Variants in ABCG5 observed in about 807,000 individuals in gnomAD.
The protein encoded by ABCG5 is ATP binding cassette subfamily G member 5, also known as ATP-binding cassette sub-family G member 5.
A neutral mutation model predicts 64.5 loss-of-function variants in ABCG5; 64 were observed. That is an observed-to-expected ratio of 0.99 (90% CI 0.81 to 1.22). ABCG5 has a LOEUF of 1.22. Among genes scored for constraint, ABCG5 ranks in the 50% most tolerant of loss-of-function variants. The pLI is 0.00. For synonymous variants in ABCG5, 385 were observed against 326.3 expected (o/e 1.18, Z -1.94); for missense variants, 908 against 829.5 (o/e 1.09, Z -1.16).
chr2:43,806,757 G>A, the ABCG5 span, among the ~76,000 whole-genome samples: 65,218 of 151,990 alleles, frequency 0.43, 15,876 homozygotes, highest in African/African-American at 0.66. Flanking sequence ...ATTCAAATCT[G>A]TCTTCTCTAA....
chr2:43,829,475 A>T, intron 4 of ABCG5, among the ~76,000 whole-genome samples: 1 of 152,198 alleles, frequency 6.6e-6, no homozygotes. Flanking sequence ...TAACTCCCTG[A>T]AACCGTTTTT....
At chr2:43,819,221 T>C (rs189142269) in intron 11 of ABCG5, among the ~76,000 whole-genome samples, 1 of 152,310 alleles carries the variant, frequency 6.6e-6, no homozygotes, top group Non-Finnish European at 1.5e-5. Context: ...ACCACCTGCC[T>C]GGGATCATTT....
chr2:43,837,249 A>G (rs933802111), intron 2 of ABCG5, among the ~76,000 whole-genome samples: 8 of 149,940 alleles, frequency 5.3e-5, no homozygotes, highest in African/African-American at 1.7e-4. Flanking sequence ...CCTCCCAAGT[A>G]GCTGGGACCG....
intron 6 of ABCG5, among the ~76,000 whole-genome samples, chr2:43,825,735 T>G (rs374175581): frequency 8.6e-5 from 13 of 151,942 alleles, no homozygotes; most frequent in African/African-American, 3.1e-4. Flanking sequence ...GCTTCCCGAA[T>G]AGCTGGGATT....
At chr2:43,808,865 C>G (rs1251374382), downstream of ABCG5, among the ~76,000 whole-genome samples, 1 of 151,988 alleles carries the variant, frequency 6.6e-6, no homozygotes, top group African/African-American at 2.4e-5. Flanking sequence ...TCCAGTTGTG[C>G]TGAGACAGAG....
chr2:43,808,857 C>T (rs899521477), downstream of ABCG5, among the ~76,000 whole-genome samples: 1 of 152,000 alleles, frequency 6.6e-6, no homozygotes, highest in African/African-American at 2.4e-5. Context: ...AAGTTGTTTC[C>T]AGTTGTGCTG....
downstream of ABCG5, among the ~76,000 whole-genome samples, chr2:43,810,794 T>A (rs1666454317): frequency 6.6e-6 from 1 of 152,212 alleles, no homozygotes; most frequent in Non-Finnish European, 1.5e-5. Flanking sequence ...CTGAGTGCTA[T>A]GGAAAAAGAA....
rs1667494523 is a variant in ABCG5, at chr2:43,824,904, G to C, written c.889C>G (p.Pro297Ala). The C allele has an allele frequency of 6.2e-7, 1 of 1,613,964 alleles. No homozygotes were observed. The highest frequency in any genetic ancestry group is 2.2e-5 in the East Asian group (1 of 44,850). The change falls in exon 7 of 13, where the codon CCT (proline) becomes GCT (alanine). Residue 297 changes from proline to alanine, a missense_variant. Transcript: ENST00000405322. ...CGYPCPEHSN[P>A]FDFYMDLTSV... ...AAAAACTTACTATAGAAGTCAAAAG[G>C]GTTTGAATGTTCAGGACAAGGGTAA...
At chr2:43,818,078 G>A (rs1015790087) in intron 11 of ABCG5, among the ~76,000 whole-genome samples, 1 of 152,152 alleles carries the variant, frequency 6.6e-6, no homozygotes, top group Non-Finnish European at 1.5e-5. Flanking sequence ...AATATTTAAT[G>A]TAATTTGTTG....
At chr2:43,810,638 C>G (rs1666448663), downstream of ABCG5, 1 of 491,298 alleles carries the variant, frequency 2.0e-6, no homozygotes, top group Non-Finnish European at 2.6e-6. Flanking sequence ...CAAGGGAGTA[C>G]TGTCTGAGCA....
At position 43,823,962 on chromosome 2, in the gene ABCG5, C is replaced by G. The variant is rs535926485; in HGVS notation, c.1275G>C (p.Gln425His). 2.5e-6 allele frequency: 4 copies of G among 1,614,196 alleles called. No individual in the cohort carries two copies. The highest frequency in any genetic ancestry group is 1.6e-4 in the Middle Eastern group (1 of 6,062). Residue 425 changes from glutamine (Q) to histidine (H), a missense_variant, in exon 9 of 13, where the codon CAG (glutamine) becomes CAC (histidine). Transcript: ENST00000405322. Reference protein sequence around the residue: ...AIQDRVGLLYQFVGATPYTGM... With the variant: ...AIQDRVGLLYHFVGATPYTGM... ...CTGTGTACGGGGTGGCGCCCACAAA[C>G]TGGTAAAGGAGACCTACGCGGTCCT...
At position 43,838,364 on chromosome 2, in the gene ABCG5, C is replaced by A. The variant is rs780334971; in HGVS notation, c.143+173G>T. On this transcript the variant is annotated intron_variant, in intron 1 of 12. Transcript: ENST00000405322. The surrounding 1 kb of genome is among the most constrained non-coding windows in gnomAD (Gnocchi z 4.2). ...GGCAGGGGGAGGGGCCATTCACTGT[C>A]GCTCCATGTTTCCCAGCACAGCCCT... 4 of 674,880 alleles carry A rather than the reference C, an allele frequency of 5.9e-6. No homozygotes were observed. Among genetic ancestry groups the A allele is most frequent in the South Asian group, 5.8e-5 (3 of 52,002 alleles). The allele number at this position is 674,880 out of a possible 1,614,324, so 41.8% of individuals were successfully genotyped here.
chr2:43,815,189 T>C (rs899320061), intron 11 of ABCG5, among the ~76,000 whole-genome samples: 2 of 152,206 alleles, frequency 1.3e-5, no homozygotes, highest in South Asian at 2.1e-4. Flanking sequence ...CCAACATTCA[T>C]TGTGAAAATG....
At chr2:43,822,468 C>T (rs1389707844) in intron 10 of ABCG5, 3 of 819,668 alleles carry the variant, frequency 3.7e-6, no homozygotes, top group Admixed American at 7.0e-5. Context: ...TGCTTTCTCC[C>T]CTCCCCCAGG....
At chr2:43,811,860 C>G (rs969077571), downstream of ABCG5, among the ~76,000 whole-genome samples, 4 of 152,146 alleles carry the variant, frequency 2.6e-5, no homozygotes, top group Admixed American at 2.0e-4. Context: ...TCCCAAAGTG[C>G]TGGGATTACA....
Position 43,824,436 on chromosome 2 carries a change from A to G in ABCG5, c.905-4T>C. The G allele has an allele frequency of 6.2e-7, 1 of 1,613,572 alleles. No homozygotes were observed. The highest frequency in any genetic ancestry group is 1.3e-5 in the African/African-American group (1 of 75,026). The stretch of plus-strand genomic sequence containing the variant: ...GTATCCACTGACGTCAGGTCCACTA[A>G]AAGTTTTTCCCAAAAGATGTCACCC... On this transcript the variant is annotated splice_polypyrimidine_tract_variant and splice_region_variant and intron_variant, in intron 7 of 12. Transcript: ENST00000405322.
chr2:43,821,841 A>G (rs1352081333), intron 10 of ABCG5, among the ~76,000 whole-genome samples: 1 of 151,430 alleles, frequency 6.6e-6, no homozygotes, highest in Non-Finnish European at 1.5e-5. Flanking sequence ...ATTTCTTGAT[A>G]TCTTCATCAT....
chr2:43,816,916 A>G (rs1666871104), intron 11 of ABCG5, among the ~76,000 whole-genome samples: 1 of 152,230 alleles, frequency 6.6e-6, no homozygotes, highest in Non-Finnish European at 1.5e-5. Context: ...AAGAACTTGC[A>G]TGATTTTGTA....
rs146442908 is a variant in ABCG5 at position 43,821,233 on chromosome 2, G to GT, written c.1464-1134dup. Among the ~76,000 whole-genome samples the GT allele has an allele frequency of 5.0e-3, 767 of 152,250 alleles. 9 individuals carry two copies. The highest frequency in any genetic ancestry group is 0.018 in the African/African-American group (742 of 41,546). On this transcript the variant is annotated intron_variant, in intron 10 of 12. Coordinates refer to ENST00000405322, the MANE Select transcript of ABCG5 (RefSeq NM_022436.3). The stretch of plus-strand genomic sequence containing the variant: ...GTTCCTCATTGTTGTCTTCTGTGAT[G>GT]TTTAAAACATCCTCTTGCCTTTGAT...
Sources: allele counts gnomAD v4.1 joint callset (sites outside exome capture counted in the v4.1 genomes callset), GRCh38; gene constraint gnomAD v4.1.1; non-coding constraint Gnocchi (gnomAD v3.1); transcripts MANE v1.5; gene names NCBI Gene and HGNC (gene_info 2026-07-23, HGNC 2026-07-21).